The following TLN2 variants were observed in gnomAD, a reference collection of about 807,000 sequenced individuals.
TLN2 encodes talin-2.
TLN2 carries 118 observed loss-of-function variants against 294.7 expected under a neutral mutation model. The observed-to-expected ratio is 0.40, with a 90% CI of 0.34 to 0.47. The LOEUF (loss-of-function observed/expected upper bound fraction) is 0.47. TLN2 is among the 20% of genes least tolerant of loss of function. The pLI is 0.84. For synonymous variants in TLN2, 1,431 were observed against 1,304.5 expected, an observed-to-expected ratio of 1.10 and a Z score of -2.09; for missense variants, 3,083 against 3,282.2, an observed-to-expected ratio of 0.94 and a Z score of 1.48.
chr15:62,771,047 G>C lies in TLN2; in HGVS notation c.5280G>C (p.Gln1760His). Residue 1760 changes from glutamine to histidine, a missense_variant, in exon 42 of 59, where the codon CAG becomes CAC. Transcript: ENST00000636159. ...VASKILDHQQ[Q>H]MTVLDQTKTL... ...CCAAGATTCTTGATCATCAGCAGCAGATGACGGTGCTGGACCAGACCAAGA... is the reference window on the plus strand; with the variant it reads ...CCAAGATTCTTGATCATCAGCAGCACATGACGGTGCTGGACCAGACCAAGA... The C allele has an allele frequency of 6.2e-7, 1 of 1,613,180 alleles. No individual in the cohort carries two copies. Among genetic ancestry groups the C allele is most frequent in the South Asian group, 1.1e-5 (1 of 91,018 alleles).
chr15:62,706,584 A>G (rs2059086330), intron 19 of TLN2, among the ~76,000 whole-genome samples: 1 of 152,248 alleles, frequency 6.6e-6, no homozygotes, highest in African/African-American at 2.4e-5. Flanking sequence ...AGGTAGAGAT[A>G]TGGCTAAATT....
intron 45 of TLN2, among the ~76,000 whole-genome samples, chr15:62,785,842 T>A (rs1198010521): frequency 6.6e-6 from 1 of 150,528 alleles, no homozygotes; most frequent in Admixed American, 6.6e-5. Context: ...ACAAGCAGAT[T>A]TTTTTTTTAT....
intron 1 of TLN2, among the ~76,000 whole-genome samples, chr15:62,429,281 G>A (rs2034886415): frequency 6.6e-6 from 1 of 152,154 alleles, no homozygotes; most frequent in African/African-American, 2.4e-5. Flanking sequence ...GGATATCTGA[G>A]TTTGCTGTTC....
At chr15:62,504,146 T>C (rs2039457380) in intron 1 of TLN2, among the ~76,000 whole-genome samples, 1 of 152,232 alleles carries the variant, frequency 6.6e-6, no homozygotes, top group Admixed American at 6.5e-5. Flanking sequence ...CTAGATTTTG[T>C]TGTTGTTCTT....
At chr15:62,561,657 C>G (rs1379198251) in intron 1 of TLN2, among the ~76,000 whole-genome samples, 3 of 151,378 alleles carry the variant, frequency 2.0e-5, no homozygotes, top group Non-Finnish European at 4.4e-5. Context: ...GAAAGTCTGT[C>G]TCTCTCTCTT....
intron 3 of TLN2, among the ~76,000 whole-genome samples, chr15:62,634,698 G>A (rs759054708): frequency 6.6e-6 from 1 of 152,178 alleles, no homozygotes; most frequent in Non-Finnish European, 1.5e-5. Flanking sequence ...TTAACTAAAG[G>A]AAAATGATAC....
intron 31 of TLN2, among the ~76,000 whole-genome samples, 179 bp downstream of exon 31, chr15:62,739,724 C>T (rs2061216273): frequency 1.3e-5 from 2 of 152,206 alleles, no homozygotes; most frequent in Admixed American, 1.3e-4. Flanking sequence ...CCCAAAGATG[C>T]TATCAGCTTA....
At chr15:62,430,143 T>A (rs2034938530) in intron 1 of TLN2, among the ~76,000 whole-genome samples, 1 of 152,246 alleles carries the variant, frequency 6.6e-6, no homozygotes, top group Non-Finnish European at 1.5e-5. Flanking sequence ...GTTTACATAT[T>A]CTGAACACTT....
At chr15:62,492,823 C>G (rs1021393754) in intron 1 of TLN2, among the ~76,000 whole-genome samples, 4 of 152,092 alleles carry the variant, frequency 2.6e-5, no homozygotes, top group African/African-American at 9.7e-5. Flanking sequence ...ATAACAGATT[C>G]CACAGAATTC....
At chr15:62,536,729 G>A (rs1026725052) in intron 1 of TLN2, among the ~76,000 whole-genome samples, 1 of 152,154 alleles carries the variant, frequency 6.6e-6, no homozygotes, top group East Asian at 1.9e-4. Flanking sequence ...TTTCCTGACC[G>A]AGCTATTCGC....
intron 1 of TLN2, among the ~76,000 whole-genome samples, chr15:62,535,707 C>T (rs563926322): frequency 5.9e-5 from 9 of 152,096 alleles, no homozygotes; most frequent in South Asian, 2.1e-4. Flanking sequence ...GGGTGCCTGC[C>T]GCCACGCCCG....
chr15:62,405,536 A>G lies in TLN2; in HGVS notation c.-238+14851A>G, dbSNP rs149867134. On this transcript the variant is annotated intron_variant, in intron 1 of 58. Coordinates refer to ENST00000636159, the MANE Select transcript of TLN2 (RefSeq NM_015059.3). ...AGGGCTTTTTATTTTCTTTGGGGTA[A>G]TTTAATTTTCTGGCATTTTCCCAAT... 4.0e-4 allele frequency among the ~76,000 whole-genome samples: 61 copies of G among 152,210 alleles called. 1 individual carries two copies. Among genetic ancestry groups the G allele is most frequent in the Middle Eastern group, 3.4e-3 (1 of 294 alleles).
At chr15:62,407,841 G>A (rs1013374838) in intron 1 of TLN2, among the ~76,000 whole-genome samples, 1 of 152,042 alleles carries the variant, frequency 6.6e-6, no homozygotes, top group Non-Finnish European at 1.5e-5. Context: ...CTTGAACCCG[G>A]GAGGCAGAGG....
At chr15:62,622,939 G>A (rs915712803) in intron 3 of TLN2, among the ~76,000 whole-genome samples, 1 of 152,156 alleles carries the variant, frequency 6.6e-6, no homozygotes, top group Non-Finnish European at 1.5e-5. Context: ...AGAGCCCATC[G>A]ATGTTGCCCA....
intron 32 of TLN2, among the ~76,000 whole-genome samples, chr15:62,744,120 C>T (rs943252324): frequency 1.2e-4 from 18 of 152,284 alleles, no homozygotes; most frequent in African/African-American, 4.1e-4. Context: ...TCACTCAGCC[C>T]TGACTTTTCC....
chr15:62,702,284 G>A (rs2058764919), intron 18 of TLN2, 84 bp downstream of exon 18: 11 of 1,415,088 alleles, frequency 7.8e-6, no homozygotes, highest in Non-Finnish European at 1.0e-5. Context: ...TGCTTCCCGA[G>A]CTGTTCCTTG....
chr15:62,825,389 G>A (rs748406681), intron 54 of TLN2, among the ~76,000 whole-genome samples: 1 of 152,124 alleles, frequency 6.6e-6, no homozygotes, highest in Non-Finnish European at 1.5e-5. Flanking sequence ...TTCTTTGGGT[G>A]ACTTTGTCAC....
At chr15:62,641,508 C>T (rs747778446) in intron 3 of TLN2, among the ~76,000 whole-genome samples, 57 of 152,012 alleles carry the variant, frequency 3.7e-4, no homozygotes, top group African/African-American at 1.2e-3. Flanking sequence ...CCCAGCTACT[C>T]GGGAGGCTGA....
At chr15:62,671,240 C>T (rs543494082) in intron 9 of TLN2, among the ~76,000 whole-genome samples, 2 of 152,088 alleles carry the variant, frequency 1.3e-5, no homozygotes, top group East Asian at 3.9e-4. Context: ...TGTATTTTCG[C>T]TTTCTTGATG....
Sources: allele counts gnomAD v4.1 joint callset (sites outside exome capture counted in the v4.1 genomes callset), GRCh38; gene constraint gnomAD v4.1.1; transcripts MANE v1.5; gene names NCBI Gene and HGNC (gene_info 2026-07-23, HGNC 2026-07-21).